SPAG17: variants seen among roughly 807,000 people sequenced by gnomAD.
SPAG17 encodes sperm-associated antigen 17.
In SPAG17, 169 loss-of-function variants were observed where a neutral mutation model predicts 273.6. That is an observed-to-expected ratio of 0.62 (90% CI 0.55 to 0.70). SPAG17 has a LOEUF of 0.70. Ranked by LOEUF, SPAG17 falls within the 30% of genes least tolerant of loss-of-function variation. The probability of loss-of-function intolerance (pLI) is 0.00; values close to 1 mark genes in which losing one functional copy is unlikely to be tolerated. For missense variants in SPAG17, 2,557 were observed against 2,627.8 expected (o/e 0.97, Z 0.59); for synonymous variants, 825 against 873.2 (o/e 0.94, Z 0.97).
Position 118,081,249 on chromosome 1 carries a change from G to A in SPAG17, c.2061C>T (p.Ser687=). ...NLSMSVQDNE[S]NREPSDPSQC... ...GACTAGGATCTGAAGGTTCTCGGTTGCTTTCATTATCTTGCACAGACATTG... is the reference window on the plus strand; with the variant it reads ...GACTAGGATCTGAAGGTTCTCGGTTACTTTCATTATCTTGCACAGACATTG... The change falls in exon 15 of 49, where the codon AGC becomes AGT. Residue 687 remains serine, a synonymous_variant. Coordinates refer to ENST00000336338, the MANE Select transcript of SPAG17 (RefSeq NM_206996.4). The A allele has an allele frequency of 6.2e-7, 1 of 1,614,032 alleles. No individual in the cohort carries two copies. Among genetic ancestry groups the A allele is most frequent in the Non-Finnish European group, 8.5e-7 (1 of 1,180,000 alleles).
intron 25 of SPAG17, 98 bp downstream of exon 25, chr1:118,031,594 A>G (rs1260762081): frequency 6.6e-6 from 8 of 1,207,970 alleles, no homozygotes; most frequent in Non-Finnish European, 9.5e-6. Context: ...AATAAAACGT[A>G]TGCACTATAA....
At chr1:118,155,775 C>T (rs762948433) in intron 1 of SPAG17, among the ~76,000 whole-genome samples, 4 of 152,184 alleles carry the variant, frequency 2.6e-5, no homozygotes, top group African/African-American at 4.8e-5. Context: ...TCTGCTGAGA[C>T]GATAACCTTT....
At chr1:118,130,082 A>T (rs536975450) in intron 3 of SPAG17, among the ~76,000 whole-genome samples, 1 of 152,188 alleles carries the variant, frequency 6.6e-6, no homozygotes, top group African/African-American at 2.4e-5. Flanking sequence ...TCTGCTTATA[A>T]AAGGGCTTAT....
chr1:118,061,623 A>G (rs1471031142), intron 18 of SPAG17, among the ~76,000 whole-genome samples: 1 of 152,206 alleles, frequency 6.6e-6, no homozygotes, highest in East Asian at 1.9e-4. Flanking sequence ...TCACGTGTTC[A>G]ATGTTTTTAA....
At position 117,956,318 on chromosome 1, in the gene SPAG17, T is replaced by C. The variant is rs1012552507; in HGVS notation, c.*1-2269A>G. 2.6e-5 allele frequency among the ~76,000 whole-genome samples: 4 copies of C among 152,188 alleles called. No homozygotes were observed. In the East Asian group the frequency reaches 5.8e-4, roughly 22 times the overall value. On this transcript the variant is annotated intron_variant, in intron 48 of 48. Transcript: ENST00000336338. ...TCATACATTTTTGCAATAATTGTTATATTATTTGTGATTTTCCTTTTGATT... is the reference window on the plus strand; with the variant it reads ...TCATACATTTTTGCAATAATTGTTACATTATTTGTGATTTTCCTTTTGATT...
chr1:118,158,920 G>A (rs895384709), intron 1 of SPAG17, among the ~76,000 whole-genome samples: 3 of 152,188 alleles, frequency 2.0e-5, no homozygotes, highest in African/African-American at 7.2e-5. Context: ...AGTGGAAAAG[G>A]CTCCCCTAGA....
intron 1 of SPAG17, among the ~76,000 whole-genome samples, chr1:118,177,342 C>T (rs1024372553): frequency 2.6e-5 from 4 of 152,062 alleles, no homozygotes; most frequent in Non-Finnish European, 4.4e-5. Context: ...TTTATAAAAC[C>T]ATAAGATCTT....
At chr1:117,978,889 C>T (rs541916605) in intron 43 of SPAG17, among the ~76,000 whole-genome samples, 253 of 145,668 alleles carry the variant, frequency 1.7e-3, no homozygotes, top group Middle Eastern at 6.9e-3. Context: ...TTTTTTGAGA[C>T]GGAGTTTCGC....
In SPAG17 at chr1:118,028,294, A is replaced by C; in HGVS notation, c.3710T>G (p.Phe1237Cys). The C allele has an allele frequency of 6.2e-7, 1 of 1,613,598 alleles. No individual in the cohort carries two copies. Among genetic ancestry groups the C allele is most frequent in the Non-Finnish European group, 8.5e-7 (1 of 1,179,658 alleles). ...CTTACCTGTAGATTCTTGTCCAATG[A>C]AAGTCAACAGGAGCCCACTGGGGCA... ...VSCPSGLLLTFIGQESTGQYV... is the reference protein window; with the variant it reads ...VSCPSGLLLTCIGQESTGQYV... The change falls in exon 26 of 49, where the codon TTC (phenylalanine) becomes TGC (cysteine). Residue 1237 changes from phenylalanine (F) to cysteine (C), a missense_variant. Phe to Cys is a radical substitution (Grantham distance 205). Transcript: ENST00000336338.
Position 118,149,021 on chromosome 1 carries a change from C to T in SPAG17, c.315+1522G>A, listed in dbSNP as rs557345096. On this transcript the variant is annotated intron_variant, in intron 3 of 48. Transcript: ENST00000336338. ...ATGGTCTTTATTAGTTTTGCTTCAGCGACTGGCATTAATGAATGTCTGGTG... is the reference window on the plus strand; with the variant it reads ...ATGGTCTTTATTAGTTTTGCTTCAGTGACTGGCATTAATGAATGTCTGGTG... Among the ~76,000 whole-genome samples, 130 of 152,284 alleles carry T rather than the reference C, an allele frequency of 8.5e-4. 1 individual carries two copies. The highest frequency in any genetic ancestry group is 2.8e-3 in the African/African-American group (118 of 41,556).
chr1:118,114,911 A>G lies in SPAG17; in HGVS notation c.447+399T>C, dbSNP rs549484939. Among the ~76,000 whole-genome samples the G allele has an allele frequency of 3.7e-4, 57 of 152,304 alleles. No homozygotes were observed. In the Middle Eastern group the frequency reaches 0.014, roughly 37 times the overall value. ...GCCTATTATTTTAAAAGGCACTTCT[A>G]TAGAGTATCATATAAACTATCTTAA... On this transcript the variant is annotated intron_variant, in intron 4 of 48. Coordinates refer to ENST00000336338, the MANE Select transcript of SPAG17 (RefSeq NM_206996.4).
chr1:118,040,145 C>T (rs563162251), intron 22 of SPAG17, among the ~76,000 whole-genome samples: 43 of 152,018 alleles, frequency 2.8e-4, no homozygotes, highest in Non-Finnish European at 5.9e-4. Flanking sequence ...GGACTCATTT[C>T]CCTTCTTTTT....
chr1:118,048,874 C>T (rs190130941), intron 20 of SPAG17, among the ~76,000 whole-genome samples: 3 of 151,996 alleles, frequency 2.0e-5, no homozygotes, highest in African/African-American at 4.8e-5. Flanking sequence ...CCAGCCTGGG[C>T]GACAGAGCGA....
chr1:118,064,763 A>G (rs1013227978), intron 18 of SPAG17, among the ~76,000 whole-genome samples: 9 of 151,290 alleles, frequency 5.9e-5, no homozygotes, highest in Non-Finnish European at 1.3e-4. Context: ...ATAAAATAAA[A>G]TAAAATAAAA....
rs779210101 is a variant in SPAG17 at position 118,091,946 on chromosome 1, C to A, written c.1230G>T (p.Pro410=). The A allele has an allele frequency of 1.9e-6, 3 of 1,613,496 alleles. No homozygotes were observed. Among genetic ancestry groups the A allele is most frequent in the South Asian group, 1.1e-5 (1 of 91,076 alleles). ...PGKKKAQYEE[P]QAPPPVTSVI... ...CATACATGCCTGGTGGTGGAGCTTG[C>A]GGTTCTTCATACTGTGCTTTCTTCT... Residue 410 remains proline, a synonymous_variant, in exon 9 of 49, where the codon CCG becomes CCT. Coordinates refer to ENST00000336338, the MANE Select transcript of SPAG17 (RefSeq NM_206996.4).
At chr1:118,120,115 G>A (rs141464211) in intron 3 of SPAG17, among the ~76,000 whole-genome samples, 28 of 152,028 alleles carry the variant, frequency 1.8e-4, no homozygotes, top group Non-Finnish European at 3.7e-4. Flanking sequence ...GAAAGGGTCC[G>A]TTCCCCCACT....
At chr1:118,023,176 G>A (rs1292942728) in intron 28 of SPAG17, 128 bp downstream of exon 28, 1 of 586,586 alleles carries the variant, frequency 1.7e-6, no homozygotes, top group Non-Finnish European at 2.7e-6. Context: ...ATGTATGTAT[G>A]TATAAGAATA....
intron 3 of SPAG17, among the ~76,000 whole-genome samples, chr1:118,131,620 G>C (rs943354137): frequency 6.6e-6 from 1 of 152,124 alleles, no homozygotes; most frequent in Non-Finnish European, 1.5e-5. Context: ...GATAATTTTT[G>C]AATGAAATCA....
chr1:117,975,995 G>C (rs936532667), intron 43 of SPAG17, among the ~76,000 whole-genome samples: 23 of 152,278 alleles, frequency 1.5e-4, no homozygotes, highest in African/African-American at 5.5e-4. Context: ...ACAGCCCTGT[G>C]ATGTATATAG....
Sources: allele counts gnomAD v4.1 joint callset (sites outside exome capture counted in the v4.1 genomes callset), GRCh38; gene constraint gnomAD v4.1.1; transcripts MANE v1.5; gene names NCBI Gene and HGNC (gene_info 2026-07-23, HGNC 2026-07-21).